MAP3K20: variants seen among roughly 807,000 people sequenced by gnomAD.
The protein encoded by MAP3K20 is HCCS-4.
MAP3K20 carries 40 observed loss-of-function variants against 85.7 expected under a neutral mutation model. The ratio of observed to expected loss-of-function variants is 0.47; its 90% CI spans 0.36 to 0.61. The LOEUF is 0.61. MAP3K20 is among the 20% of genes least tolerant of loss of function. MAP3K20 has a pLI of 0.00. For missense variants in MAP3K20, 817 were observed against 961.7 expected (o/e 0.85, Z 1.99); for synonymous variants, 325 against 327.7 (o/e 0.99, Z 0.09).
intron 11 of MAP3K20, among the ~76,000 whole-genome samples, chr2:173,227,839 T>G (rs1684429368): frequency 6.6e-6 from 1 of 152,188 alleles, no homozygotes; most frequent in Non-Finnish European, 1.5e-5. Flanking sequence ...CTCAGACTGT[T>G]GTTTCTTGAA....
intron 2 of MAP3K20, among the ~76,000 whole-genome samples, chr2:173,145,841 A>G (rs972961737): frequency 6.6e-6 from 1 of 152,230 alleles, no homozygotes; most frequent in Non-Finnish European, 1.5e-5. Context: ...ATAGCCAACA[A>G]TTGAGAACAA....
chr2:173,197,375 A>T (rs920182591), intron 7 of MAP3K20, among the ~76,000 whole-genome samples: 1 of 152,242 alleles, frequency 6.6e-6, no homozygotes, highest in African/African-American at 2.4e-5. Flanking sequence ...TAGTCAGCTT[A>T]TATGTATAGA....
intron 14 of MAP3K20, among the ~76,000 whole-genome samples, chr2:173,237,705 G>T (rs1161229917): frequency 6.6e-6 from 1 of 152,174 alleles, no homozygotes; most frequent in Non-Finnish European, 1.5e-5. Flanking sequence ...CAACCTTTTA[G>T]TGAGATTCTA....
intron 11 of MAP3K20, chr2:173,226,743 C>T (rs1347290503): frequency 1.0e-6 from 1 of 985,540 alleles, no homozygotes; most frequent in Non-Finnish European, 1.2e-6. Flanking sequence ...CTTTTAATGT[C>T]AGATATGATA....
intron 2 of MAP3K20, among the ~76,000 whole-genome samples, chr2:173,109,463 C>T (rs1687879241): frequency 6.6e-6 from 1 of 151,222 alleles, no homozygotes; most frequent in African/African-American, 2.4e-5. Context: ...TATGTCTTTC[C>T]GTTTATTATG....
chr2:173,091,284 C>A, intron 2 of MAP3K20, 94 bp downstream of exon 2: 3 of 1,318,772 alleles, frequency 2.3e-6, no homozygotes, highest in Non-Finnish European at 3.1e-6. Context: ...TGCAAGAGAC[C>A]TAGCAAGGCC....
chr2:173,189,248 A>G lies in MAP3K20; in HGVS notation c.415+1625A>G, dbSNP rs142747924. Among the ~76,000 whole-genome samples, 35 of 152,320 alleles carry G rather than the reference A, an allele frequency of 2.3e-4. No individual in the cohort carries two copies. The East Asian group carries it at 6.6e-3, about 29-fold the overall frequency. ...TAAAATTAATAATATTTACATTTCT[A>G]TTTGTAAAAGTTTGTAGCTTATTAC... On this transcript the variant is annotated intron_variant, in intron 5 of 19. Coordinates refer to ENST00000375213, the MANE Select transcript of MAP3K20 (RefSeq NM_016653.3).
intron 1 of MAP3K20, among the ~76,000 whole-genome samples, chr2:173,081,618 T>TG (rs912008373): frequency 2.0e-5 from 3 of 152,020 alleles, no homozygotes; most frequent in African/African-American, 2.4e-5. Flanking sequence ...CTTTGGGAAT[T>TG]GGGGGGAAGG....
rs6758025 is a variant in MAP3K20 at position 173,209,784 on chromosome 2, C to G, written c.800C>G (p.Thr267Arg). The stretch of plus-strand genomic sequence containing the variant: ...ATCCTGGAGTCCATGTCAAATGACA[C>G]GAGCCTTCCTGACAAGTGTAACTCA... ...ISILESMSND[T>R]SLPDKCNSFL... The change falls in exon 10 of 20, where the codon ACG becomes AGG. Residue 267 changes from threonine (T) to arginine (R), a missense_variant. Thr to Arg is a moderately conservative substitution (Grantham distance 71). Coordinates refer to ENST00000375213, the MANE Select transcript of MAP3K20 (RefSeq NM_016653.3). The G allele has an allele frequency of 7.9e-5, 127 of 1,613,848 alleles. No homozygotes were observed. The highest frequency in any genetic ancestry group is 9.7e-5 in the Non-Finnish European group (115 of 1,179,968).
intron 16 of MAP3K20, among the ~76,000 whole-genome samples, chr2:173,254,349 G>T (rs1051204641): frequency 1.3e-5 from 2 of 151,286 alleles, no homozygotes; most frequent in Non-Finnish European, 2.9e-5. Flanking sequence ...CAGGAGAATG[G>T]TGTGAACCTA....
intron 14 of MAP3K20, among the ~76,000 whole-genome samples, chr2:173,232,945 C>A (rs1684557143): frequency 6.6e-6 from 1 of 152,196 alleles, no homozygotes; most frequent in Non-Finnish European, 1.5e-5. Flanking sequence ...CCAGGCACCC[C>A]TATTCCTTCC....
intron 5 of MAP3K20, among the ~76,000 whole-genome samples, chr2:173,189,081 A>G (rs1164216605): frequency 1.3e-5 from 2 of 152,214 alleles, no homozygotes; most frequent in African/African-American, 4.8e-5. Context: ...ATACACTGAT[A>G]TTGAAAGAAT....
intron 14 of MAP3K20, among the ~76,000 whole-genome samples, chr2:173,234,955 A>C (rs1393212733): frequency 6.6e-6 from 1 of 152,216 alleles, no homozygotes; most frequent in Non-Finnish European, 1.5e-5. Context: ...GGAGAATAAT[A>C]AGCACTGCAG....
chr2:173,129,708 G>A (rs1196349212), intron 2 of MAP3K20, among the ~76,000 whole-genome samples: 1 of 152,190 alleles, frequency 6.6e-6, no homozygotes, highest in African/African-American at 2.4e-5. Flanking sequence ...CGATATGGAG[G>A]TATTTAGAAA....
At chr2:173,264,833 T>C (rs532595779) in intron 19 of MAP3K20, among the ~76,000 whole-genome samples, 10 of 151,924 alleles carry the variant, frequency 6.6e-5, no homozygotes, top group South Asian at 2.1e-4. Flanking sequence ...AGTTAACAAG[T>C]GGCGGTCAGG....
rs545731554 is a variant in MAP3K20 at position 173,220,959 on chromosome 2, C to A, written c.987+3709C>A. Among the ~76,000 whole-genome samples the A allele has an allele frequency of 3.3e-5, 5 of 152,270 alleles. No homozygotes were observed. The South Asian group carries it at 1.0e-3, about 32-fold the overall frequency. ...TTTGGTTGTGATTTATCCTGTCATT[C>A]ATAAATTATGGCAAATATGCTGGAG... On this transcript the variant is annotated intron_variant, in intron 11 of 19. Transcript: ENST00000375213.
In MAP3K20 at chr2:173,263,855, C is replaced by A; in HGVS notation, c.1662C>A (p.Phe554Leu). 1 of 1,613,464 alleles carries A rather than the reference C, an allele frequency of 6.2e-7. No individual in the cohort carries two copies. Among genetic ancestry groups the A allele is most frequent in the Non-Finnish European group, 8.5e-7 (1 of 1,179,866 alleles). Reference sequence around the variant, plus strand: ...TCCAACTTGCCATTCAGACATTATTCACCAATTCAGATGGCAACCCTGGAA... The same window carrying A: ...TCCAACTTGCCATTCAGACATTATTAACCAATTCAGATGGCAACCCTGGAA... ...KAVQLAIQTL[F>L]TNSDGNPGSR... Residue 554 changes from phenylalanine (F) to leucine (L), a missense_variant, in exon 19 of 20, where the codon TTC becomes TTA. Phe to Leu is a conservative substitution (Grantham distance 22). This residue lies in a region of MAP3K20 where 454 missense variants were observed against 476.9 expected (regional missense o/e 0.95). Coordinates refer to ENST00000375213, the MANE Select transcript of MAP3K20 (RefSeq NM_016653.3).
chr2:173,249,501 A>G (rs1181662834), intron 16 of MAP3K20, among the ~76,000 whole-genome samples: 1 of 152,202 alleles, frequency 6.6e-6, no homozygotes, highest in South Asian at 2.1e-4. Flanking sequence ...TTTGAAAATC[A>G]TATTTCTTCG....
At chr2:173,192,578 C>T (rs1178256284) in intron 7 of MAP3K20, among the ~76,000 whole-genome samples, 3 of 152,082 alleles carry the variant, frequency 2.0e-5, no homozygotes, top group Non-Finnish European at 1.5e-5. Flanking sequence ...AGACTATAAG[C>T]TATTACAGTG....
Sources: allele counts gnomAD v4.1 joint callset (sites outside exome capture counted in the v4.1 genomes callset), GRCh38; gene constraint gnomAD v4.1.1; regional missense constraint gnomAD v4.1.1; transcripts MANE v1.5; gene names NCBI Gene and HGNC (gene_info 2026-07-23, HGNC 2026-07-21).